CSGALNACT1: variants seen among roughly 807,000 people sequenced by gnomAD.
The protein encoded by CSGALNACT1 is beta4GalNAcT-1.
In CSGALNACT1, 52 loss-of-function variants were observed where a neutral mutation model predicts 51.0. The ratio of observed to expected loss-of-function variants is 1.02; its 90% confidence interval spans 0.82 to 1.29. The LOEUF is 1.29. Ranked by LOEUF, CSGALNACT1 falls within the 50% of genes most tolerant of loss-of-function variation. The pLI, the probability that CSGALNACT1 is intolerant of heterozygous loss-of-function variation, is 0.00. For synonymous variants in CSGALNACT1, 341 were observed against 254.4 expected, an observed-to-expected ratio of 1.34 and a Z score of -3.24; for missense variants, 935 against 679.2, an observed-to-expected ratio of 1.38 and a Z score of -4.19.
At chr8:19,596,819 T>C (rs543224796) in intron 2 of CSGALNACT1, among the ~76,000 whole-genome samples, 2 of 152,356 alleles carry the variant, frequency 1.3e-5, no homozygotes, top group South Asian at 4.1e-4. Flanking sequence ...TTTTTATTTT[T>C]AATTGTAAAA....
At chr8:19,573,917 C>T (rs1029762504) in intron 3 of CSGALNACT1, among the ~76,000 whole-genome samples, 7 of 152,140 alleles carry the variant, frequency 4.6e-5, no homozygotes, top group Non-Finnish European at 1.0e-4. Context: ...TTCTTTGGGC[C>T]TGGCAGATAC....
chr8:19,637,409 T>C (rs901334013), intron 1 of CSGALNACT1, among the ~76,000 whole-genome samples: 21 of 152,226 alleles, frequency 1.4e-4, no homozygotes, highest in Non-Finnish European at 1.2e-4. Context: ...TTTATTTTAC[T>C]GTTTCTCTTT....
At chr8:19,631,483 C>T (rs1218403168) in intron 1 of CSGALNACT1, among the ~76,000 whole-genome samples, 1 of 152,176 alleles carries the variant, frequency 6.6e-6, no homozygotes, top group Admixed American at 6.5e-5. Context: ...TCTTCATAAA[C>T]CTCCAGAATT....
At chr8:19,725,831 G>A (rs1021005687) in intron 1 of CSGALNACT1, among the ~76,000 whole-genome samples, 1 of 151,792 alleles carries the variant, frequency 6.6e-6, no homozygotes, top group Non-Finnish European at 1.5e-5. Flanking sequence ...CACATACACA[G>A]CCTCCCCCAT....
At chr8:19,592,351 G>A (rs2047997893) in intron 2 of CSGALNACT1, among the ~76,000 whole-genome samples, 1 of 152,048 alleles carries the variant, frequency 6.6e-6, no homozygotes, top group Non-Finnish European at 1.5e-5. Flanking sequence ...AGCAGGAAAG[G>A]GCTATGATGT....
At chr8:19,686,014 C>T (rs980573785), upstream of CSGALNACT1, among the ~76,000 whole-genome samples, 15 of 152,182 alleles carry the variant, frequency 9.9e-5, no homozygotes, top group African/African-American at 2.9e-4. Flanking sequence ...TGGACTGTGA[C>T]GTGTTCCTCA....
At chr8:19,727,650 T>C (rs1236068051) in intron 1 of CSGALNACT1, among the ~76,000 whole-genome samples, 1 of 152,214 alleles carries the variant, frequency 6.6e-6, no homozygotes, top group Non-Finnish European at 1.5e-5. Flanking sequence ...TGGCCACAAA[T>C]TGTTTCTATC....
chr8:19,472,360 A>G (rs1023070929), intron 4 of CSGALNACT1, among the ~76,000 whole-genome samples: 1 of 152,230 alleles, frequency 6.6e-6, no homozygotes, highest in African/African-American at 2.4e-5. Flanking sequence ...TGACCAAGCT[A>G]TTGTCTTTGG....
chr8:19,620,852 C>G (rs781282682), intron 1 of CSGALNACT1, among the ~76,000 whole-genome samples: 2 of 152,162 alleles, frequency 1.3e-5, no homozygotes, highest in Non-Finnish European at 2.9e-5. Flanking sequence ...TTACCAGATG[C>G]TCCTTCTCAA....
At chr8:19,655,924 T>C (rs2058231629) in intron 1 of CSGALNACT1, among the ~76,000 whole-genome samples, 1 of 152,114 alleles carries the variant, frequency 6.6e-6, no homozygotes, top group Non-Finnish European at 1.5e-5. Flanking sequence ...CTATGCTAAT[T>C]GAAAGGAGGG....
chr8:19,685,976 A>G (rs530561464), upstream of CSGALNACT1, among the ~76,000 whole-genome samples: 19 of 152,330 alleles, frequency 1.2e-4, no homozygotes, highest in African/African-American at 4.6e-4. Context: ...TCATGTATCG[A>G]AACAATCGCG....
In CSGALNACT1 at chr8:19,474,869, GAAAAAAAA is replaced by G. The variant is rs10683237; in HGVS notation, c.635-16235_635-16228del. On this transcript the variant is annotated intron_variant, in intron 4 of 9. Transcript: ENST00000454498. ...GCAATAAGAGTGAAACTCTGTCTCA[GAAAAAAAA>G]AAAAAAAAAGAAAAAAAAAAGAAAG... is the stretch of plus-strand genomic sequence containing the variant. Among the ~76,000 whole-genome samples, 10 of 86,174 alleles carry G rather than the reference GAAAAAAAA, an allele frequency of 1.2e-4. No homozygotes were observed. In the East Asian group the frequency reaches 3.2e-3, roughly 27 times the overall value. The allele number at this position is 86,174 out of a possible 152,430, so 56.5% of individuals were successfully genotyped here. A position where few individuals can be genotyped will look rare whatever the true frequency, so the allele number is the denominator to read the frequency against.
At position 19,536,475 on chromosome 8, in the gene CSGALNACT1, C is replaced by G. The variant is rs372736412; in HGVS notation, c.-296-30345G>C. On this transcript the variant is annotated intron_variant, in intron 3 of 9. Coordinates refer to ENST00000454498, the Ensembl canonical transcript of CSGALNACT1. The stretch of plus-strand genomic sequence containing the variant: ...ATAAATCTAACAAGATATGTACATG[C>G]CTTATGTGCTGAAAACTACAAGACA... Among the ~76,000 whole-genome samples, 56 of 151,884 alleles carry G rather than the reference C, an allele frequency of 3.7e-4. 1 individual carries two copies. Among genetic ancestry groups the G allele is most frequent in the Admixed American group, 3.7e-3 (56 of 15,244 alleles).
chr8:19,410,772 A>T (rs1178643760), intron 8 of CSGALNACT1, among the ~76,000 whole-genome samples: 2 of 152,232 alleles, frequency 1.3e-5, no homozygotes, highest in African/African-American at 4.8e-5. Context: ...AGCCACAAAA[A>T]GCCACTATCT....
At chr8:19,640,027 C>G (rs773833780) in intron 1 of CSGALNACT1, among the ~76,000 whole-genome samples, 1 of 151,824 alleles carries the variant, frequency 6.6e-6, no homozygotes, top group Non-Finnish European at 1.5e-5. Context: ...GGACTACAGG[C>G]GCACCACCAT....
intron 3 of CSGALNACT1, among the ~76,000 whole-genome samples, chr8:19,545,348 T>G (rs1358508103): frequency 6.6e-6 from 1 of 152,194 alleles, no homozygotes; most frequent in Non-Finnish European, 1.5e-5. Context: ...ATTGAACATT[T>G]AAATTCATAG....
chr8:19,681,291 A>G (rs1215673964), intron 1 of CSGALNACT1, among the ~76,000 whole-genome samples: 1 of 152,172 alleles, frequency 6.6e-6, no homozygotes, highest in Non-Finnish European at 1.5e-5. Context: ...GAAAGGCAGG[A>G]ATTGGATATG....
In CSGALNACT1 at chr8:19,669,133, T is replaced by G. The variant is rs998985944; in HGVS notation, c.-544+13340A>C. 7.2e-5 allele frequency among the ~76,000 whole-genome samples: 11 copies of G among 152,366 alleles called. No individual in the cohort carries two copies. In the East Asian group the frequency reaches 2.1e-3, roughly 29 times the overall value. On this transcript the variant is annotated intron_variant, in intron 1 of 9. Coordinates refer to the CSGALNACT1 transcript ENST00000332246. ...TTCATTCAAAAGTATGTTGATCATT[T>G]GCTATTTGGCTTTGAGAAAATAATT...
intron 1 of CSGALNACT1, among the ~76,000 whole-genome samples, chr8:19,703,980 A>G (rs2062019855): frequency 6.6e-6 from 1 of 152,180 alleles, no homozygotes; most frequent in Non-Finnish European, 1.5e-5. Flanking sequence ...CCTTGAGGGT[A>G]TCATCTATGT....
Sources: allele counts gnomAD v4.1 joint callset (sites outside exome capture counted in the v4.1 genomes callset), GRCh38; gene constraint gnomAD v4.1.1; transcripts MANE v1.5; gene names NCBI Gene and HGNC (gene_info 2026-07-23, HGNC 2026-07-21).